The following TTLL6 variants were observed in gnomAD, a reference collection of about 807,000 sequenced individuals.
TTLL6 encodes tubulin polyglutamylase TTLL6.
In TTLL6, 75 loss-of-function variants were observed where a neutral mutation model predicts 96.4. The observed-to-expected ratio is 0.78, with a 90% CI of 0.65 to 0.94. The LOEUF is 0.94. Among genes scored for constraint, TTLL6 ranks in the 40% least tolerant of loss-of-function variants. TTLL6 has a pLI of 0.00. For synonymous variants in TTLL6, 411 were observed against 419.4 expected (o/e 0.98, Z 0.24); for missense variants, 1,030 against 1,093.0 (o/e 0.94, Z 0.81).
At chr17:48,787,069 T>C (rs1265891797) in intron 11 of TTLL6, among the ~76,000 whole-genome samples, 3 of 152,110 alleles carry the variant, frequency 2.0e-5, no homozygotes, top group Non-Finnish European at 4.4e-5. Flanking sequence ...GACCTCGTGA[T>C]CCACCTGCCT....
At chr17:48,774,082 C>CA (rs1159647645) in intron 13 of TTLL6, among the ~76,000 whole-genome samples, 3,163 of 45,912 alleles carry the variant, frequency 0.069, 225 homozygotes, top group African/African-American at 0.17. Flanking sequence ...AACTCCATCT[C>CA]AAAAAAAACA....
intron 11 of TTLL6, 34 bp downstream of exon 11, chr17:48,787,777 C>A: frequency 6.3e-7 from 1 of 1,591,838 alleles, no homozygotes; most frequent in South Asian, 1.1e-5. Context: ...TCCCCAGAAC[C>A]CCTCCACCGA....
At chr17:48,768,641 A>G (rs1345995911) in intron 15 of TTLL6, among the ~76,000 whole-genome samples, 1 of 150,958 alleles carries the variant, frequency 6.6e-6, no homozygotes, top group Non-Finnish European at 1.5e-5. Flanking sequence ...CCTTGCATCA[A>G]GTAATCTTCT....
chr17:48,804,582 A>T, intron 2 of TTLL6, 190 bp downstream of exon 2: 1 of 679,838 alleles, frequency 1.5e-6, no homozygotes, highest in South Asian at 1.6e-5. Context: ...TACACACACA[A>T]TCATTTGATT....
chr17:48,814,117 G>C (rs1179306140), intron 1 of TTLL6, among the ~76,000 whole-genome samples: 10 of 152,058 alleles, frequency 6.6e-5, no homozygotes, highest in Admixed American at 6.6e-4. Context: ...TCAGGAGTTG[G>C]AGACCAAGTT....
chr17:48,794,925 C>T (rs2039291598), intron 8 of TTLL6, among the ~76,000 whole-genome samples: 1 of 152,220 alleles, frequency 6.6e-6, no homozygotes, highest in Admixed American at 6.5e-5. Context: ...ACTCACGCAA[C>T]CTCTGAGACT....
intron 6 of TTLL6, among the ~76,000 whole-genome samples, chr17:48,797,426 G>A (rs1237595749): frequency 6.6e-6 from 1 of 152,082 alleles, no homozygotes; most frequent in East Asian, 1.9e-4. Flanking sequence ...TTGGTTTCCT[G>A]ATCTGTCAAG....
intron 13 of TTLL6, among the ~76,000 whole-genome samples, chr17:48,782,708 TTTTTTTC>T (rs544277296): frequency 6.6e-6 from 1 of 152,142 alleles, no homozygotes; most frequent in Admixed American, 6.5e-5. Flanking sequence ...ACTGGTACTT[TTTTTTTC>T]TTTTTTCTTT....
chr17:48,772,325 A>G (rs2038764042), intron 13 of TTLL6, among the ~76,000 whole-genome samples: 1 of 152,156 alleles, frequency 6.6e-6, no homozygotes, highest in Admixed American at 6.5e-5. Context: ...TTGCTTAAAA[A>G]ATTAAAATAA....
At chr17:48,766,984 T>C (rs2038627375) in intron 15 of TTLL6, among the ~76,000 whole-genome samples, 4 of 152,192 alleles carry the variant, frequency 2.6e-5, no homozygotes. Flanking sequence ...AGTCTCGCTC[T>C]GTCTCCCAGG....
intron 8 of TTLL6, among the ~76,000 whole-genome samples, chr17:48,792,926 T>C (rs959590585): frequency 1.3e-5 from 2 of 152,234 alleles, no homozygotes; most frequent in African/African-American, 4.8e-5. Context: ...AACCTTTTCT[T>C]GATGACTCAG....
At chr17:48,787,243 G>A (rs765047265) in intron 11 of TTLL6, among the ~76,000 whole-genome samples, 6 of 152,252 alleles carry the variant, frequency 3.9e-5, no homozygotes, top group African/African-American at 1.2e-4. Context: ...TGGAGTTTAC[G>A]CCTGTGTGAA....
At chr17:48,766,076 G>A (rs995660570) in intron 15 of TTLL6, among the ~76,000 whole-genome samples, 3 of 152,178 alleles carry the variant, frequency 2.0e-5, no homozygotes, top group Admixed American at 1.3e-4. Context: ...GTGACACGAA[G>A]AATCAGCATC....
intron 10 of TTLL6, among the ~76,000 whole-genome samples, chr17:48,788,656 G>A (rs779405223): frequency 2.0e-5 from 3 of 152,186 alleles, no homozygotes; most frequent in African/African-American, 7.2e-5. Flanking sequence ...AATCCCAGGC[G>A]GCAGACTCAC....
chr17:48,792,175 A>G (rs552152268), intron 8 of TTLL6, among the ~76,000 whole-genome samples: 1 of 152,342 alleles, frequency 6.6e-6, no homozygotes, highest in African/African-American at 2.4e-5. Context: ...TAGAATTGCA[A>G]GTCCTGAATT....
chr17:48,777,833 C>A (rs546289325), intron 13 of TTLL6, among the ~76,000 whole-genome samples: 1 of 152,134 alleles, frequency 6.6e-6, no homozygotes, highest in East Asian at 1.9e-4. Flanking sequence ...ATTGCTTGAA[C>A]CTGGGCGGCA....
chr17:48,797,316 T>C (rs756805615), intron 6 of TTLL6, 112 bp from the exon 7 acceptor site: 2 of 1,187,166 alleles, frequency 1.7e-6, no homozygotes, highest in Non-Finnish European at 2.3e-6. Flanking sequence ...CCTAGTGTTG[T>C]GGAGGGCAGG....
intron 15 of TTLL6, among the ~76,000 whole-genome samples, chr17:48,764,579 T>C (rs1303937181): frequency 6.6e-6 from 1 of 152,208 alleles, no homozygotes; most frequent in Non-Finnish European, 1.5e-5. Flanking sequence ...AAGAAACCCC[T>C]GATCCTCCAT....
At chr17:48,814,843 G>C (rs551754467) in intron 1 of TTLL6, among the ~76,000 whole-genome samples, 1 of 152,252 alleles carries the variant, frequency 6.6e-6, no homozygotes, top group African/African-American at 2.4e-5. Flanking sequence ...GCAATGGCAC[G>C]ATCTCAGCTC....
Sources: gnomAD v4.1 joint callset for allele counts (sites outside exome capture counted in the v4.1 genomes callset) on GRCh38, gnomAD v4.1.1 for gene constraint, MANE v1.5 for transcripts, NCBI Gene and HGNC (gene_info 2026-07-23, HGNC 2026-07-21) for gene names.